Variants in ERICH1 observed in about 807,000 individuals in gnomAD.
ERICH1 encodes glutamate rich 1, also known as glutamate-rich protein 1.
Under a neutral mutation model 39.6 loss-of-function variants are expected in ERICH1, and 56 were observed. The ratio of observed to expected loss-of-function variants is 1.41; its 90% confidence interval spans 1.14 to 1.77. The LOEUF is 1.77. Among genes scored for constraint, ERICH1 ranks in the 40% most tolerant of loss-of-function variants. The pLI is 0.00. For missense variants in ERICH1, 826 were observed against 575.4 expected, an observed-to-expected ratio of 1.44 and a Z score of -4.45; for synonymous variants, 313 against 223.6, an observed-to-expected ratio of 1.40 and a Z score of -3.57.
chr8:671,442 T>C (rs571415809), intron 4 of ERICH1, among the ~76,000 whole-genome samples: 14 of 138,850 alleles, frequency 1.0e-4, no homozygotes, highest in Non-Finnish European at 2.0e-4. Context: ...CCGGCTCTAA[T>C]GTCTGTGCTC....
chr8:620,833 T>C (rs1033739475), intron 3 of ERICH1, among the ~76,000 whole-genome samples: 1 of 152,174 alleles, frequency 6.6e-6, no homozygotes, highest in Non-Finnish European at 1.5e-5. Flanking sequence ...ACAATGGTTT[T>C]TACAGACTTC....
At chr8:639,213 G>A (rs572333005) in intron 3 of ERICH1, among the ~76,000 whole-genome samples, 6 of 152,316 alleles carry the variant, frequency 3.9e-5, no homozygotes, top group East Asian at 3.9e-4. Context: ...TGGGTCTGAA[G>A]TGCAGGCTGT....
At chr8:679,293 C>T (rs958218772) in intron 3 of ERICH1, among the ~76,000 whole-genome samples, 1 of 147,156 alleles carries the variant, frequency 6.8e-6, no homozygotes, top group Non-Finnish European at 1.5e-5. Flanking sequence ...CTGCTCACAG[C>T]AAGTGACCCC....
At chr8:728,508 T>A (rs1819312831) in intron 1 of ERICH1, among the ~76,000 whole-genome samples, 1 of 152,100 alleles carries the variant, frequency 6.6e-6, no homozygotes. Context: ...GCCTCCCCAG[T>A]CCACTGCAAC....
intron 3 of ERICH1, among the ~76,000 whole-genome samples, chr8:616,738 G>C (rs946605011): frequency 2.2e-5 from 3 of 138,630 alleles, no homozygotes; most frequent in South Asian, 2.5e-4. Context: ...ATAGGGAAGC[G>C]GGAGAGAGAG....
At chr8:662,717 T>C (rs1477705367), downstream of ERICH1, among the ~76,000 whole-genome samples, 1 of 152,216 alleles carries the variant, frequency 6.6e-6, no homozygotes, top group Admixed American at 6.5e-5. Context: ...CTGGTGCCTC[T>C]GAGATCCCAG....
At chr8:726,673 GTACACAGGCACATCA>G (rs61722066) in intron 1 of ERICH1, among the ~76,000 whole-genome samples, 5,176 of 150,672 alleles carry the variant, frequency 0.034, 291 homozygotes, top group African/African-American at 0.12. Flanking sequence ...ACACAGACGT[GTACACAGGCACATCA>G]TACACAGGCA....
At chr8:685,109 T>C (rs1807002203) in intron 3 of ERICH1, among the ~76,000 whole-genome samples, 1 of 152,188 alleles carries the variant, frequency 6.6e-6, no homozygotes, top group South Asian at 2.1e-4. Flanking sequence ...TTCATCCCTA[T>C]CTACAACTGC....
At chr8:725,281 A>G (rs62484219) in intron 1 of ERICH1, 2 of 163,346 alleles carry the variant, frequency 1.2e-5, no homozygotes, top group Admixed American at 6.5e-5. Context: ...CTCCGTGTCT[A>G]CTGCACCCAG....
intron 3 of ERICH1, among the ~76,000 whole-genome samples, chr8:684,941 C>A (rs1030235676): frequency 6.6e-6 from 1 of 152,122 alleles, no homozygotes; most frequent in Admixed American, 6.5e-5. Context: ...AAGGCCAGGG[C>A]GAAACTAGAA....
At chr8:704,320 C>T (rs886739173) in intron 2 of ERICH1, among the ~76,000 whole-genome samples, 17 of 152,240 alleles carry the variant, frequency 1.1e-4, no homozygotes, top group Admixed American at 7.2e-4. Flanking sequence ...CCGGGAGTTA[C>T]GGCAAGGACT....
chr8:705,362 T>C (rs1813036173), intron 2 of ERICH1, among the ~76,000 whole-genome samples: 1 of 152,260 alleles, frequency 6.6e-6, no homozygotes, highest in African/African-American at 2.4e-5. Flanking sequence ...TTCTTACGTT[T>C]TTTATTGTGA....
At chr8:680,574 C>T (rs1401041431) in intron 3 of ERICH1, among the ~76,000 whole-genome samples, 15 of 136,020 alleles carry the variant, frequency 1.1e-4, no homozygotes, top group African/African-American at 3.1e-4. Flanking sequence ...ACCCCTCCCC[C>T]GAAAACACGG....
chr8:629,534 C>G (rs892804309), intron 3 of ERICH1, among the ~76,000 whole-genome samples: 3 of 151,384 alleles, frequency 2.0e-5, no homozygotes, highest in African/African-American at 7.3e-5. Flanking sequence ...CTGACACACA[C>G]CCTCCTGTGA....
chr8:710,208 C>T (rs944914830), intron 2 of ERICH1, among the ~76,000 whole-genome samples: 1 of 152,220 alleles, frequency 6.6e-6, no homozygotes, highest in Non-Finnish European at 1.5e-5. Context: ...GAATGAGATG[C>T]GCCCACCATG....
intron 3 of ERICH1, among the ~76,000 whole-genome samples, chr8:630,046 C>T (rs1486950364): frequency 1.1e-5 from 1 of 89,264 alleles, no homozygotes; most frequent in Non-Finnish European, 2.6e-5. Flanking sequence ...TGACCACCCA[C>T]ACAGACAGAG....
chr8:707,265 T>C (rs1476327556), intron 2 of ERICH1, among the ~76,000 whole-genome samples: 1 of 147,816 alleles, frequency 6.8e-6, no homozygotes, highest in Non-Finnish European at 1.5e-5. Flanking sequence ...TGGAGTGCAA[T>C]GATGCGATCT....
chr8:704,444 A>G (rs1471219770), intron 2 of ERICH1, among the ~76,000 whole-genome samples: 2 of 152,184 alleles, frequency 1.3e-5, no homozygotes, highest in African/African-American at 4.8e-5. Context: ...GAGGGGAGAA[A>G]TTAGTACTAT....
chr8:669,009 C>A, intron 4 of ERICH1: 1 of 570,486 alleles, frequency 1.8e-6, no homozygotes, highest in Non-Finnish European at 3.1e-6. Flanking sequence ...GTCTACACCT[C>A]TGTCTGGTGA....
Sources: gnomAD v4.1 joint callset for allele counts (sites outside exome capture counted in the v4.1 genomes callset) on GRCh38, gnomAD v4.1.1 for gene constraint, MANE v1.5 for transcripts, NCBI Gene and HGNC (gene_info 2026-07-23, HGNC 2026-07-21) for gene names.